The following PLCB1 variants were observed in gnomAD, a reference collection of about 807,000 sequenced individuals.
PLCB1 encodes the protein phospholipase C beta 1, also known as 1-phosphatidylinositol 4,5-bisphosphate phosphodiesterase beta-1.
A neutral mutation model predicts 161.8 loss-of-function variants in PLCB1; 46 were observed. That is an observed-to-expected ratio of 0.28 (90% CI 0.22 to 0.36). PLCB1 has a LOEUF of 0.36. Ranked by LOEUF, PLCB1 falls within the 10% of genes least tolerant of loss-of-function variation. The probability of loss-of-function intolerance (pLI) is 1.00; values close to 1 mark genes in which losing one functional copy is unlikely to be tolerated. For missense variants in PLCB1, 1,016 were observed against 1,472.5 expected (o/e 0.69, Z 5.07); for synonymous variants, 517 against 503.7 (o/e 1.03, Z -0.35).
intron 14 of PLCB1, among the ~76,000 whole-genome samples, chr20:8,719,009 G>A (rs1216523817): frequency 6.6e-6 from 1 of 152,106 alleles, no homozygotes; most frequent in Admixed American, 6.5e-5. Context: ...TAAATTAAGG[G>A]TGAAATAGAT....
chr20:8,541,596 G>GAAAGAAAGAAAGAAAGAAAT (rs1456415608), intron 3 of PLCB1, among the ~76,000 whole-genome samples: 10 of 150,546 alleles, frequency 6.6e-5, no homozygotes, highest in African/African-American at 2.2e-4. Flanking sequence ...AAGAAAGAAA[G>GAAAGAAAGAAAGAAAGAAAT]AAAGAAAGAA....
intron 31 of PLCB1, among the ~76,000 whole-genome samples, chr20:8,793,677 C>T (rs532476550): frequency 1.2e-4 from 18 of 152,184 alleles, no homozygotes; most frequent in African/African-American, 2.4e-4. Context: ...GGAGGCAGGG[C>T]GAGATCACAG....
At chr20:8,182,065 A>T (rs917447451) in intron 2 of PLCB1, among the ~76,000 whole-genome samples, 1 of 152,220 alleles carries the variant, frequency 6.6e-6, no homozygotes, top group Non-Finnish European at 1.5e-5. Flanking sequence ...TTAGTGAGTG[A>T]CATCCCTGTA....
chr20:8,701,817 A>C (rs1171460524), intron 11 of PLCB1, among the ~76,000 whole-genome samples: 2 of 152,198 alleles, frequency 1.3e-5, no homozygotes, highest in Non-Finnish European at 2.9e-5. Flanking sequence ...GCCTCTGCTC[A>C]TCAGATAAGT....
At chr20:8,772,011 A>G (rs1319585597) in intron 26 of PLCB1, among the ~76,000 whole-genome samples, 4 of 149,546 alleles carry the variant, frequency 2.7e-5, no homozygotes, top group Non-Finnish European at 5.9e-5. Context: ...ACTCCCGGGT[A>G]GCTGGAACTA....
At chr20:8,635,090 A>G (rs759326270) in intron 4 of PLCB1, among the ~76,000 whole-genome samples, 1 of 152,132 alleles carries the variant, frequency 6.6e-6, no homozygotes, top group Non-Finnish European at 1.5e-5. Context: ...TGAACCTTGA[A>G]CATATTTTCA....
chr20:8,329,491 G>GT (rs1386723073), intron 2 of PLCB1, among the ~76,000 whole-genome samples: 1 of 151,896 alleles, frequency 6.6e-6, no homozygotes, highest in Non-Finnish European at 1.5e-5. Flanking sequence ...CAGCTGTTTG[G>GT]TTTTTTCTGT....
rs140902467 is a variant in PLCB1, at chr20:8,568,616, A to G, written c.247-59678A>G. On this transcript the variant is annotated intron_variant, in intron 3 of 31. Transcript: ENST00000338037. ...AAAAGACCAGTGTACACTGTATCAA[A>G]TATTCCTGCTTATTTCCAAAGAAAA... Among the ~76,000 whole-genome samples the G allele has an allele frequency of 6.6e-5, 10 of 152,296 alleles. No individual in the cohort carries two copies. In the East Asian group the frequency reaches 1.9e-3, roughly 29 times the overall value.
intron 23 of PLCB1, among the ~76,000 whole-genome samples, chr20:8,743,476 A>G (rs1225506191): frequency 6.6e-6 from 1 of 152,130 alleles, no homozygotes; most frequent in East Asian, 1.9e-4. Flanking sequence ...TTCATGCTCC[A>G]GAGCACCCTG....
At chr20:8,367,755 T>C (rs559063723) in intron 2 of PLCB1, among the ~76,000 whole-genome samples, 1 of 152,330 alleles carries the variant, frequency 6.6e-6, no homozygotes, top group East Asian at 1.9e-4. Context: ...GTTAAAACTA[T>C]TGTCACGAGA....
At chr20:8,139,217 T>G (rs2123009080) in intron 1 of PLCB1, among the ~76,000 whole-genome samples, 1 of 151,044 alleles carries the variant, frequency 6.6e-6, no homozygotes. Context: ...CTCCGGAGTA[T>G]CTGGGATTAC....
At chr20:8,855,188 T>C (rs1987028439) in intron 31 of PLCB1, among the ~76,000 whole-genome samples, 1 of 150,952 alleles carries the variant, frequency 6.6e-6, no homozygotes, top group Admixed American at 6.6e-5. Context: ...AGAAATGGGG[T>C]AAGGGGTGCA....
At chr20:8,682,457 T>C (rs1990247341) in intron 9 of PLCB1, among the ~76,000 whole-genome samples, 2 of 152,152 alleles carry the variant, frequency 1.3e-5, no homozygotes, top group Admixed American at 1.3e-4. Flanking sequence ...GCGAAACAGC[T>C]CCTCTCATCA....
rs532592491 is a variant in PLCB1, at chr20:8,606,494, T to C, written c.247-21800T>C. Among the ~76,000 whole-genome samples, 11 of 152,314 alleles carry C rather than the reference T, an allele frequency of 7.2e-5. No homozygotes were observed. In the South Asian group the frequency reaches 2.1e-3, roughly 29 times the overall value. ...CGGAATAAACTTCATCAATATTATA[T>C]GACAACCACTAGTATGATTACAATT... On this transcript the variant is annotated intron_variant, in intron 3 of 31. Coordinates refer to ENST00000338037, the MANE Select transcript of PLCB1 (RefSeq NM_015192.4).
chr20:8,397,727 C>CT (rs1007301851), intron 3 of PLCB1, among the ~76,000 whole-genome samples: 4 of 152,066 alleles, frequency 2.6e-5, no homozygotes, highest in Non-Finnish European at 4.4e-5. Context: ...TATCTATGTG[C>CT]TTTTATAGGT....
intron 3 of PLCB1, among the ~76,000 whole-genome samples, chr20:8,391,824 T>TATACACAC (rs1157204782): frequency 8.7e-6 from 1 of 115,414 alleles, no homozygotes; most frequent in African/African-American, 3.2e-5. Flanking sequence ...TATATATATA[T>TATACACAC]ACACACACAT....
intron 3 of PLCB1, among the ~76,000 whole-genome samples, chr20:8,406,199 A>C (rs994514996): frequency 2.0e-5 from 3 of 152,214 alleles, no homozygotes; most frequent in African/African-American, 7.2e-5. Flanking sequence ...GGATAGAGTA[A>C]TTGAAGAAAC....
chr20:8,221,267 A>G (rs1979394051), intron 2 of PLCB1, among the ~76,000 whole-genome samples: 1 of 152,032 alleles, frequency 6.6e-6, no homozygotes, highest in South Asian at 2.1e-4. Context: ...TTGATTCAGG[A>G]CTCGATCACC....
chr20:8,742,065 T>C (rs1239606360), intron 23 of PLCB1, among the ~76,000 whole-genome samples: 6 of 152,212 alleles, frequency 3.9e-5, no homozygotes, highest in Admixed American at 1.3e-4. Flanking sequence ...TTATGTATTA[T>C]AATGTGTGTC....
Sources: gnomAD v4.1 joint callset for allele counts (sites outside exome capture counted in the v4.1 genomes callset) on GRCh38, gnomAD v4.1.1 for gene constraint, MANE v1.5 for transcripts, NCBI Gene and HGNC (gene_info 2026-07-23, HGNC 2026-07-21) for gene names.